GATC: variants seen among roughly 807,000 people sequenced by gnomAD.
GATC encodes glutamyl-tRNA(Gln) amidotransferase subunit C, mitochondrial.
GATC carries 11 observed loss-of-function variants against 14.4 expected under a neutral mutation model. The ratio of observed to expected loss-of-function variants is 0.77; its 90% CI spans 0.48 to 1.27. GATC has a LOEUF of 1.27. GATC is among the 50% of genes most tolerant of loss of function. The pLI is 0.00. For synonymous variants in GATC, 76 were observed against 79.3 expected (o/e 0.96, Z 0.22); for missense variants, 204 against 183.0 (o/e 1.11, Z -0.66).
At position 120,463,697 on chromosome 12, in the gene GATC, C is replaced by A; in HGVS notation, c.*3738C>A. The A allele has an allele frequency of 2.8e-6, 1 of 352,276 alleles. No individual in the cohort carries two copies. The highest frequency in any genetic ancestry group is 5.1e-6 in the Non-Finnish European group (1 of 195,196). 21.8% of individuals were successfully genotyped at this position (352,276 alleles called of 1,614,324 possible). On this transcript the variant is annotated 3_prime_UTR_variant, in exon 4 of 4. Coordinates refer to ENST00000551765, the MANE Select transcript of GATC (RefSeq NM_176818.3). ...CTCTCCAGGTTACAAATACCATGAC[C>A]AAACTGTGTAATGTGATACTAATAT...
chr12:120,448,468 A>G (rs984008663), intron 2 of GATC, among the ~76,000 whole-genome samples: 3 of 150,754 alleles, frequency 2.0e-5, no homozygotes, highest in African/African-American at 7.3e-5. Context: ...AGCTGGGATT[A>G]CAGGCACCCG....
At position 120,446,501 on chromosome 12, in the gene GATC, G is replaced by T; in HGVS notation, c.21G>T (p.Trp7Cys). The T allele has an allele frequency of 1.9e-6, 3 of 1,607,288 alleles. No homozygotes were observed. Among genetic ancestry groups the T allele is most frequent in the Non-Finnish European group, 2.6e-6 (3 of 1,176,106 alleles). MWSRLVWLGLRAPLGGR... is the reference protein window; with the variant it reads MWSRLVCLGLRAPLGGR... ...AAGAAATGTGGTCGCGGTTGGTGTG[G>T]CTGGGCCTTCGGGCCCCTCTGGGCG... The change falls in exon 1 of 4, where the codon TGG (tryptophan) becomes TGT (cysteine). Residue 7 changes from tryptophan to cysteine, a missense_variant. Trp to Cys is a radical substitution (Grantham distance 215, BLOSUM62 -2). Transcript: ENST00000551765.
rs1555219526 is a variant in GATC at position 120,451,876 on chromosome 12, T to TTTTTTTTTTTC, written c.254+5057_254+5058insCTTTTTTTTTT. Among the ~76,000 whole-genome samples, 803 of 105,692 alleles carry TTTTTTTTTTTC rather than the reference T, an allele frequency of 7.6e-3. 23 individuals carry two copies. Among genetic ancestry groups the TTTTTTTTTTTC allele is most frequent in the East Asian group, 0.013 (46 of 3,474 alleles). The allele number at this position is 105,692 out of a possible 152,430, so 69.3% of individuals were successfully genotyped here. On this transcript the variant is annotated intron_variant, in intron 2 of 3. Transcript: ENST00000551765. ...AGGGGCTAATAAATTATATAAATTC[T>TTTTTTTTTTTC]TTTTTTTTTTTTTTTTTTTGAGCTG...
chr12:120,451,879 T>TTTTTTTTTCTTTTTC (rs1330323177), intron 2 of GATC, among the ~76,000 whole-genome samples: 6 of 125,186 alleles, frequency 4.8e-5, no homozygotes, highest in African/African-American at 1.8e-4. Context: ...TAAATTCTTT[T>TTTTTTTTTCTTTTTC]TTTTTTTTTT....
chr12:120,457,011 C>A, intron 2 of GATC, 65 bp from the exon 3 acceptor site: 2 of 1,017,326 alleles, frequency 2.0e-6, no homozygotes, highest in Non-Finnish European at 3.1e-6. Context: ...CTTCTTGCCC[C>A]TCTCCATCAT....
intron 2 of GATC, among the ~76,000 whole-genome samples, chr12:120,454,146 G>A (rs1160077879): frequency 2.0e-5 from 3 of 152,190 alleles, no homozygotes; most frequent in Non-Finnish European, 2.9e-5. Flanking sequence ...ATGCTAGGCA[G>A]GTTGTGCCTC....
intron 2 of GATC, among the ~76,000 whole-genome samples, chr12:120,448,550 A>T (rs139533260): frequency 1.5e-3 from 222 of 150,770 alleles, no homozygotes; most frequent in Non-Finnish European, 2.3e-3. Context: ...GCTGGTCTCG[A>T]ACCCCTGGCC....
intron 2 of GATC, among the ~76,000 whole-genome samples, chr12:120,456,120 A>G (rs534978015): frequency 1.3e-5 from 2 of 152,138 alleles, no homozygotes; most frequent in African/African-American, 4.8e-5. Context: ...CGTGGCTACT[A>G]CCGAATACCA....
chr12:120,446,792 G>A lies in GATC; in HGVS notation c.217G>A (p.Asp73Asn). 2 of 1,613,738 alleles carry A rather than the reference G, an allele frequency of 1.2e-6. No individual in the cohort carries two copies. The highest frequency in any genetic ancestry group is 1.7e-6 in the Non-Finnish European group (2 of 1,179,928). The change falls in exon 2 of 4, where the codon GAC becomes AAC. Residue 73 changes from aspartate (D) to asparagine (N), a missense_variant. Asp to Asn is a conservative substitution (Grantham distance 23). Coordinates refer to ENST00000551765, the MANE Select transcript of GATC (RefSeq NM_176818.3). Reference sequence around the variant, plus strand: ...CGACCGGCTACGCGCCGTGGACACAGACGGGGTGGAGCCCATGGAATCGGT... The same window carrying A: ...CGACCGGCTACGCGCCGTGGACACAAACGGGGTGGAGCCCATGGAATCGGT... ...FADRLRAVDT[D>N]GVEPMESVLE...
At chr12:120,454,935 T>G (rs1216273206) in intron 2 of GATC, 2 of 414,230 alleles carry the variant, frequency 4.8e-6, no homozygotes, top group African/African-American at 4.1e-5. Context: ...TCACCCAGGT[T>G]GGAGTGCAGT....
At chr12:120,451,717 G>A (rs1000354719) in intron 2 of GATC, among the ~76,000 whole-genome samples, 2 of 151,514 alleles carry the variant, frequency 1.3e-5, no homozygotes, top group Non-Finnish European at 2.9e-5. Context: ...ACTCCAGCCT[G>A]GGCAACAGAG....
intron 2 of GATC, among the ~76,000 whole-genome samples, chr12:120,455,970 G>T (rs1414197943): frequency 6.6e-6 from 1 of 152,028 alleles, no homozygotes; most frequent in Non-Finnish European, 1.5e-5. Flanking sequence ...ACAGGCGTGA[G>T]CCACCGCGCC....
chr12:120,448,969 T>C (rs2951687), intron 2 of GATC, among the ~76,000 whole-genome samples: 4 of 151,170 alleles, frequency 2.6e-5, no homozygotes, highest in Non-Finnish European at 5.9e-5. Context: ...TCTTTTTTTT[T>C]TTTTTTAATT....
chr12:120,457,638 C>T (rs1367929424), intron 3 of GATC, among the ~76,000 whole-genome samples: 5 of 133,346 alleles, frequency 3.7e-5, no homozygotes, highest in Non-Finnish European at 7.7e-5. Flanking sequence ...CGGAGTTTCG[C>T]TCTTGTTGCC....
intron 2 of GATC, chr12:120,454,890 T>TTGTG (rs757479116): frequency 1.4e-5 from 4 of 280,704 alleles, no homozygotes; most frequent in African/African-American, 4.4e-5. Context: ...CAACTCTCTT[T>TTGTG]TGTGTGTGTG....
Position 120,459,782 on chromosome 12 carries a change from A to G in GATC, c.359-125A>G, listed in dbSNP as rs561112228. ...GAGGCAGGAGAATGGCGTGAACCCCAGGGGGCGGAGCCTGCAGTGAGCTGA... is the reference window on the plus strand; with the variant it reads ...GAGGCAGGAGAATGGCGTGAACCCCGGGGGGCGGAGCCTGCAGTGAGCTGA... On this transcript the variant is annotated intron_variant, in intron 3 of 3. Transcript: ENST00000551765. 1.3e-4 allele frequency: 76 copies of G among 575,082 alleles called. No homozygotes were observed. The Middle Eastern group carries it at 1.6e-3, about 12-fold the overall frequency. The allele number at this position is 575,082 out of a possible 1,614,324, so 35.6% of individuals were successfully genotyped here.
intron 2 of GATC, among the ~76,000 whole-genome samples, chr12:120,451,029 G>A (rs1471552481): frequency 6.0e-5 from 9 of 148,888 alleles, no homozygotes; most frequent in African/African-American, 2.0e-4. Flanking sequence ...CTGTAATCCC[G>A]GCTACTCTGA....
intron 2 of GATC, among the ~76,000 whole-genome samples, chr12:120,450,954 C>G (rs912903715): frequency 1.2e-4 from 18 of 151,946 alleles, no homozygotes; most frequent in Admixed American, 2.0e-4. Flanking sequence ...CCAGCCTGGC[C>G]AACATGGCGA....
Position 120,457,158 on chromosome 12 carries a change from G to A in GATC, c.337G>A (p.Glu113Lys). 6.2e-7 allele frequency: 1 copy of A among 1,613,800 alleles called. No homozygotes were observed. The highest frequency in any genetic ancestry group is 1.3e-5 in the African/African-American group (1 of 75,004). ...LLQNSHRVVE[E>K]YFVAPPGNIS... ...ACAAAACTCCCATCGCGTCGTGGAG[G>A]AGTACTTTGTGGCCCCCCCAGGTAC... Residue 113 changes from glutamate to lysine, a missense_variant, in exon 3 of 4, where the codon GAG becomes AAG. Physicochemically the swap from Glu to Lys is moderately conservative, Grantham distance 56. Coordinates refer to ENST00000551765, the MANE Select transcript of GATC (RefSeq NM_176818.3).
Sources: allele counts gnomAD v4.1 joint callset (sites outside exome capture counted in the v4.1 genomes callset), GRCh38; gene constraint gnomAD v4.1.1; transcripts MANE v1.5; gene names NCBI Gene and HGNC (gene_info 2026-07-23, HGNC 2026-07-21).